The following ZNF493 variants were observed in gnomAD, a reference collection of about 807,000 sequenced individuals.
ZNF493 encodes zinc finger protein 493.
ZNF493 carries 11 observed loss-of-function variants against 12.2 expected under a neutral mutation model. That is an observed-to-expected ratio of 0.90 (90% CI 0.57 to 1.50). The LOEUF (loss-of-function observed/expected upper bound fraction) is 1.50. ZNF493 is among the 40% of genes most tolerant of loss of function. The probability of loss-of-function intolerance (pLI) is 0.00; values close to 1 mark genes in which losing one functional copy is unlikely to be tolerated. For missense variants in ZNF493, 950 were observed against 906.6 expected (o/e 1.05, Z -0.61); for synonymous variants, 286 against 302.6 (o/e 0.95, Z 0.57).
intron 1 of ZNF493, among the ~76,000 whole-genome samples, chr19:21,403,485 A>G (rs2030014031): frequency 7.0e-6 from 1 of 143,088 alleles, no homozygotes; most frequent in Non-Finnish European, 1.5e-5. Context: ...TATAAAGGAC[A>G]AAAGTGAGTG....
chr19:21,401,759 G>A (rs914995474), intron 1 of ZNF493, among the ~76,000 whole-genome samples: 4 of 151,496 alleles, frequency 2.6e-5, no homozygotes, highest in African/African-American at 9.7e-5. Flanking sequence ...TGAGTAGCTG[G>A]AATTACAAGT....
chr19:21,421,968 C>A (rs895597123), intron 3 of ZNF493, among the ~76,000 whole-genome samples: 1 of 152,146 alleles, frequency 6.6e-6, no homozygotes, highest in African/African-American at 2.4e-5. Flanking sequence ...GCCACAGCCT[C>A]CTGAATAGCT....
rs2030741354 is a variant in ZNF493 at position 21,423,346 on chromosome 19, G to A, written c.687G>A (p.Arg229=). 4 of 1,613,566 alleles carry A rather than the reference G, an allele frequency of 2.5e-6. No individual in the cohort carries two copies. The highest frequency in any genetic ancestry group is 3.4e-6 in the Non-Finnish European group (4 of 1,179,806). ...FIWFSTLTRH[R]RVHTGEKSYK... is the part of the protein sequence containing the mutation. Reference sequence around the variant, plus strand: ...GGTTTTCAACCCTTACTAGACACAGGAGAGTTCATACTGGAGAGAAATCCT... The same window carrying A: ...GGTTTTCAACCCTTACTAGACACAGAAGAGTTCATACTGGAGAGAAATCCT... Residue 229 remains arginine, a synonymous_variant, in exon 4 of 4, where the codon AGG becomes AGA. Coordinates refer to ENST00000392288, the MANE Select transcript of ZNF493 (RefSeq NM_001076678.3).
rs1442148567 is a variant in ZNF493, at chr19:21,405,187, T to G, written c.89T>G (p.Leu30Arg). ...IEFSLEEWQC[L>R]DTAQQDLYRK... ...TTCTCTCTGGAGGAGTGGCAATGCCTGGACACTGCTCAGCAGGATTTGTAT... is the reference window on the plus strand; with the variant it reads ...TTCTCTCTGGAGGAGTGGCAATGCCGGGACACTGCTCAGCAGGATTTGTAT... Residue 30 changes from leucine to arginine, a missense_variant, in exon 2 of 4, where the codon CTG becomes CGG. By Grantham distance (102) the Leu-to-Arg change is moderately radical. Coordinates refer to ENST00000392288, the MANE Select transcript of ZNF493 (RefSeq NM_001076678.3). 5 of 1,613,984 alleles carry G rather than the reference T, an allele frequency of 3.1e-6. No homozygotes were observed. In the African/African-American group the frequency reaches 6.7e-5, roughly 22 times the overall value.
intron 3 of ZNF493, 51 bp downstream of exon 3, chr19:21,405,907 TA>T (rs386388731): frequency 0.087 from 15,672 of 179,630 alleles, 2 homozygotes; most frequent in South Asian, 0.15. Context: ...TTGAAAGATT[TA>T]AAAAAAAAAA....
At chr19:21,402,536 A>C (rs1039830402) in intron 1 of ZNF493, among the ~76,000 whole-genome samples, 2 of 152,204 alleles carry the variant, frequency 1.3e-5, no homozygotes, top group Admixed American at 1.3e-4. Context: ...CCAAGAATGC[A>C]GAGTCAGGCT....
At chr19:21,420,775 G>A (rs1299677274) in intron 3 of ZNF493, among the ~76,000 whole-genome samples, 2 of 126,226 alleles carry the variant, frequency 1.6e-5, no homozygotes, top group East Asian at 2.2e-4. Context: ...TTTTTGAGAC[G>A]AAGTTTTGCT....
Position 21,427,383 on chromosome 19 carries a change from C to T in ZNF493, c.*2399C>T, listed in dbSNP as rs947198049. 9 of 154,196 alleles carry T rather than the reference C, an allele frequency of 5.8e-5. No homozygotes were observed. The highest frequency in any genetic ancestry group is 1.2e-4 in the Non-Finnish European group (8 of 68,062). The allele number at this position is 154,196 out of a possible 1,614,324, so 9.6% of individuals were successfully genotyped here. A position where few individuals can be genotyped will look rare whatever the true frequency, so the allele number is the denominator to read the frequency against. ...ATACATGTGCCATGCTGGTGCGCTG[C>T]ACCCACTAACTCGTCATCTAGCATT... On this transcript the variant is annotated 3_prime_UTR_variant, in exon 4 of 4. Coordinates refer to ENST00000392288, the MANE Select transcript of ZNF493 (RefSeq NM_001076678.3).
chr19:21,422,688 G>A (rs2030716504), intron 3 of ZNF493, among the ~76,000 whole-genome samples: 1 of 151,926 alleles, frequency 6.6e-6, no homozygotes, highest in African/African-American at 2.4e-5. Context: ...CCTTCTGTGT[G>A]ACTTTGTGCT....
intron 3 of ZNF493, chr19:21,408,793 A>C (rs1449092377): frequency 1.0e-6 from 1 of 983,280 alleles, no homozygotes; most frequent in South Asian, 4.7e-5. Flanking sequence ...CCATATGTCT[A>C]TCACAATCAT....
At chr19:21,397,412 C>T in intron 1 of ZNF493, 145 bp downstream of exon 1, 1 of 1,045,006 alleles carries the variant, frequency 9.6e-7, no homozygotes, top group South Asian at 1.3e-5. Flanking sequence ...CGGCCTCAGT[C>T]TCCTTCAGCC....
chr19:21,420,623 A>ATTTTTTT (rs1164416201), intron 3 of ZNF493, among the ~76,000 whole-genome samples: 2 of 16,118 alleles, frequency 1.2e-4, no homozygotes, highest in Admixed American at 1.6e-3. Context: ...ATATATATAT[A>ATTTTTTT]TTTTTTTTTT....
rs1275612668 is a variant in ZNF493, at chr19:21,425,242, A to G, written c.*258A>G. The G allele has an allele frequency of 3.8e-6, 2 of 527,794 alleles. No individual in the cohort carries two copies. The highest frequency in any genetic ancestry group is 2.1e-5 in the South Asian group (1 of 46,958). The allele number at this position is 527,794 out of a possible 1,614,324, so 32.7% of individuals were successfully genotyped here. On this transcript the variant is annotated 3_prime_UTR_variant, in exon 4 of 4. Coordinates refer to ENST00000392288, the MANE Select transcript of ZNF493 (RefSeq NM_001076678.3). The stretch of plus-strand genomic sequence containing the variant: ...TAGTTCTCATCCCTTACTAAACATA[A>G]GAGAATTCATACCATAGAGAAATCC...
chr19:21,406,042 G>A (rs1430971367), intron 3 of ZNF493, among the ~76,000 whole-genome samples, 186 bp downstream of exon 3: 3 of 151,724 alleles, frequency 2.0e-5, no homozygotes, highest in Non-Finnish European at 4.4e-5. Context: ...CCAACATGGT[G>A]TAAACTCTGT....
rs577503872 is a variant in ZNF493 at position 21,425,743 on chromosome 19, A to T, written c.*759A>T. ...AACCAATTTTCAAACCTTACTAAAC[A>T]TAAGATAACTCATACTGGAGAAAAA... On this transcript the variant is annotated 3_prime_UTR_variant, in exon 4 of 4. Transcript: ENST00000392288. 1.8e-5 allele frequency: 11 copies of T among 622,544 alleles called. No individual in the cohort carries two copies. In the East Asian group the frequency reaches 4.6e-4, roughly 26 times the overall value. The allele number at this position is 622,544 out of a possible 1,614,324, so 38.6% of individuals were successfully genotyped here. A position where few individuals can be genotyped will look rare whatever the true frequency, so the allele number is the denominator to read the frequency against.
rs1354473474 is a variant in ZNF493 at position 21,423,256 on chromosome 19, G to A, written c.597G>A (p.Gln199=). 1.2e-6 allele frequency: 2 copies of A among 1,613,532 alleles called. No individual in the cohort carries two copies. Among genetic ancestry groups the A allele is most frequent in the Admixed American group, 1.7e-5 (1 of 59,976 alleles). Residue 199 remains glutamine (Q), a synonymous_variant, in exon 4 of 4, where the codon CAG becomes CAA. Transcript: ENST00000392288. ...KSFCMLLHLC[Q]HKRIHIRENS... ...TTTGCATGCTTTTACACCTATGTCA[G>A]CATAAAAGAATTCATATTAGAGAGA...
chr19:21,420,009 C>T (rs547982827), intron 3 of ZNF493, among the ~76,000 whole-genome samples: 1 of 152,288 alleles, frequency 6.6e-6, no homozygotes, highest in East Asian at 1.9e-4. Context: ...GTTTTACCCT[C>T]AGGAATTATG....
At chr19:21,409,211 T>A (rs2030242503) in intron 3 of ZNF493, among the ~76,000 whole-genome samples, 1 of 152,114 alleles carries the variant, frequency 6.6e-6, no homozygotes, top group African/African-American at 2.4e-5. Context: ...CTTAGCTGGT[T>A]TTCAGTGGTT....
At position 21,423,879 on chromosome 19, in the gene ZNF493, G is replaced by A. The variant is rs375886047; in HGVS notation, c.1220G>A (p.Cys407Tyr). ...IIHTEEKSHR[C>Y]EECGKAYKES... ...CACACTGAAGAGAAATCCCACAGAT[G>A]TGAAGAATGTGGCAAAGCTTATAAG... The change falls in exon 4 of 4, where the codon TGT becomes TAT. Residue 407 changes from cysteine (C) to tyrosine (Y), a missense_variant. Coordinates refer to ENST00000392288, the MANE Select transcript of ZNF493 (RefSeq NM_001076678.3). 10 of 1,613,314 alleles carry A rather than the reference G, an allele frequency of 6.2e-6. No homozygotes were observed. In the African/African-American group the frequency reaches 1.2e-4, roughly 19 times the overall value.
Sources: gnomAD v4.1 joint callset for allele counts (sites outside exome capture counted in the v4.1 genomes callset) on GRCh38, gnomAD v4.1.1 for gene constraint, MANE v1.5 for transcripts, NCBI Gene and HGNC (gene_info 2026-07-23, HGNC 2026-07-21) for gene names.